The following C2CD2L variants were observed in gnomAD, a reference collection of about 807,000 sequenced individuals.
The protein encoded by C2CD2L is phospholipid transfer protein C2CD2L.
In C2CD2L, 24 loss-of-function variants were observed where a neutral mutation model predicts 69.9. The observed-to-expected ratio is 0.34, with a 90% confidence interval of 0.25 to 0.48. The LOEUF is 0.48. C2CD2L is among the 20% of genes least tolerant of loss of function. C2CD2L has a pLI of 0.99. For synonymous variants in C2CD2L, 367 were observed against 391.0 expected, an observed-to-expected ratio of 0.94 and a Z score of 0.72; for missense variants, 811 against 941.5, an observed-to-expected ratio of 0.86 and a Z score of 1.81.
At chr11:119,105,325 G>A (rs1946560759), upstream of C2CD2L, among the ~76,000 whole-genome samples, 3 of 152,272 alleles carry the variant, frequency 2.0e-5, no homozygotes, top group South Asian at 6.2e-4. Context: ...AAGTGCTAGA[G>A]GTCTAAGTAA....
At chr11:119,103,572 C>G (rs1170745545), upstream of C2CD2L, among the ~76,000 whole-genome samples, 1 of 152,148 alleles carries the variant, frequency 6.6e-6, no homozygotes, top group African/African-American at 2.4e-5. Context: ...TGGCACATGC[C>G]TGTAATCTCA....
chr11:119,111,202 C>T (rs755373724), intron 5 of C2CD2L, 34 bp downstream of exon 5: 4 of 1,609,428 alleles, frequency 2.5e-6, no homozygotes, highest in Non-Finnish European at 2.6e-6. Context: ...GATTTGCATG[C>T]ACCTTGTTCC....
chr11:119,115,145 C>T (rs947454662), intron 13 of C2CD2L: 1 of 150,290 alleles, frequency 6.7e-6, no homozygotes, highest in Non-Finnish European at 1.5e-5. Context: ...ATCCCAGCTA[C>T]TTGGGAGGCT....
Position 119,116,336 on chromosome 11 carries a change from G to T in C2CD2L, c.*80G>T, listed in dbSNP as rs1946892832. The T allele has an allele frequency of 1.7e-6, 2 of 1,208,130 alleles. No individual in the cohort carries two copies. Among genetic ancestry groups the T allele is most frequent in the Non-Finnish European group, 2.4e-6 (2 of 833,380 alleles). 74.8% of individuals were successfully genotyped at this position (1,208,130 alleles called of 1,614,324 possible). On this transcript the variant is annotated 3_prime_UTR_variant, in exon 14 of 14. Coordinates refer to ENST00000648610, the MANE Select transcript of C2CD2L (RefSeq NM_001290474.2). Reference sequence around the variant, plus strand: ...CCATACCCCTTCCTGGATCTCCAGTGCCTGGGCCAGGAAAGCCCTCTGGGT... The same window carrying T: ...CCATACCCCTTCCTGGATCTCCAGTTCCTGGGCCAGGAAAGCCCTCTGGGT...
At chr11:119,107,093 A>ACAAGCATAGGGGAAAG, upstream of C2CD2L, 1 of 152,408 alleles carries the variant, frequency 6.6e-6, no homozygotes, top group Non-Finnish European at 1.5e-5. This position sits in a 1 kb window ranked among gnomAD's most constrained non-coding sequence, Gnocchi z 5.4. Flanking sequence ...TGGAAATCTA[A>ACAAGCATAGGGGAAAG]CAAGCATAGG....
chr11:119,115,587 C>T (rs150354191), intron 13 of C2CD2L: 82 of 202,718 alleles, frequency 4.0e-4, no homozygotes, highest in African/African-American at 1.8e-3. Flanking sequence ...TCTAGATGCA[C>T]CACTTCCTGC....
chr11:119,111,601 G>A lies in C2CD2L; in HGVS notation c.991G>A (p.Glu331Lys), dbSNP rs774937522. ...GACCAAGCCCGCGAGGGCTGGATCC[G>A]AGGTGGAGTGGACAGAAGACCTGGC... is the stretch of plus-strand genomic sequence containing the variant. ...KWTKPARAGS[E>K]VEWTEDLALD... The change falls in exon 7 of 14, where the codon GAG becomes AAG. Residue 331 changes from glutamate to lysine, a missense_variant. Physicochemically the swap from Glu to Lys is moderately conservative, Grantham distance 56. Coordinates refer to ENST00000648610, the MANE Select transcript of C2CD2L (RefSeq NM_001290474.2). 8.1e-6 allele frequency: 13 copies of A among 1,613,724 alleles called. No homozygotes were observed. The South Asian group carries it at 9.9e-5, about 12-fold the overall frequency.
In C2CD2L at chr11:119,108,062, G is replaced by A. The variant is rs1390586748; in HGVS notation, c.321G>A (p.Val107=). Residue 107 remains valine (V), a synonymous_variant, in exon 1 of 14, where the codon GTG becomes GTA. Transcript: ENST00000648610. ...GGGAGAACTGGCAGCGGGCTTGGGT[G>A]CGAGCGCTGAACGAGCAGGCCTGCA... ...SFRENWQRAW[V]RALNEQACRN... The A allele has an allele frequency of 6.2e-7, 1 of 1,600,122 alleles. No homozygotes were observed. Among genetic ancestry groups the A allele is most frequent in the East Asian group, 2.4e-5 (1 of 42,420 alleles).
Position 119,111,173 on chromosome 11 carries a change from G to A in C2CD2L, c.798+5G>A. 6.2e-7 allele frequency: 1 copy of A among 1,613,198 alleles called. No homozygotes were observed. Among genetic ancestry groups the A allele is most frequent in the Non-Finnish European group, 8.5e-7 (1 of 1,179,378 alleles). On this transcript the variant is annotated splice_donor_5th_base_variant and intron_variant, in intron 5 of 13. Coordinates refer to ENST00000648610, the MANE Select transcript of C2CD2L (RefSeq NM_001290474.2). Reference sequence around the variant, plus strand: ...TGCTCTGCCCCAGGAGGCCTGGTGAGTTGGCACCCAAAGCAAAAGATTTGC... The same window carrying A: ...TGCTCTGCCCCAGGAGGCCTGGTGAATTGGCACCCAAAGCAAAAGATTTGC...
rs1410162771 is a variant in C2CD2L, at chr11:119,116,109, C to T, written c.1974C>T (p.Gly658=). The change falls in exon 14 of 14, where the codon GGC becomes GGT. Residue 658 remains glycine (G), a synonymous_variant. Transcript: ENST00000648610. ...FRRRPRQKEA[G]LSQSHDDLSN... is the part of the protein sequence containing the mutation. ...GGAGGCCTAGGCAGAAGGAAGCTGGCCTGAGCCAATCACACGATGACCTCT... is the reference window on the plus strand; with the variant it reads ...GGAGGCCTAGGCAGAAGGAAGCTGGTCTGAGCCAATCACACGATGACCTCT... 1.9e-6 allele frequency: 3 copies of T among 1,614,058 alleles called. No homozygotes were observed. The South Asian group carries it at 3.3e-5, about 18-fold the overall frequency.
At chr11:119,105,601 C>T (rs1946567648), upstream of C2CD2L, among the ~76,000 whole-genome samples, 1 of 149,402 alleles carries the variant, frequency 6.7e-6, no homozygotes, top group Admixed American at 6.7e-5. Context: ...GATCTCGCTA[C>T]TGCACCCCAG....
chr11:119,111,323 C>T lies in C2CD2L; in HGVS notation c.859C>T (p.Arg287Trp), dbSNP rs150900283. The T allele has an allele frequency of 1.5e-4, 245 of 1,614,206 alleles. 1 individual carries two copies. The African/African-American group carries it at 2.9e-3, about 19-fold the overall frequency. The change falls in exon 6 of 14, where the codon CGG (arginine) becomes TGG (tryptophan). Residue 287 changes from arginine (R) to tryptophan (W), a missense_variant. Physicochemically the swap from Arg to Trp is moderately radical, Grantham distance 101. Transcript: ENST00000648610. ...TCAGCCAGCCATCCCCAGACCTAAC[C>T]GGTTATTCCTACGGCAGCTTCGGGC... ...QAQPAIPRPN[R>W]LFLRQLRASH...
Position 119,116,274 on chromosome 11 carries a change from G to A in C2CD2L, c.*18G>A. ...AGCTCTGAGGACCCAGCTCTGAAAGGGCACGAGTTCTCTCAGCCCATTCCC... is the reference window on the plus strand; with the variant it reads ...AGCTCTGAGGACCCAGCTCTGAAAGAGCACGAGTTCTCTCAGCCCATTCCC... On this transcript the variant is annotated 3_prime_UTR_variant, in exon 14 of 14. Coordinates refer to ENST00000648610, the MANE Select transcript of C2CD2L (RefSeq NM_001290474.2). 1 of 1,586,706 alleles carries A rather than the reference G, an allele frequency of 6.3e-7. No individual in the cohort carries two copies. Among genetic ancestry groups the A allele is most frequent in the Non-Finnish European group, 8.7e-7 (1 of 1,155,358 alleles).
Position 119,112,716 on chromosome 11 carries a change from G to A in C2CD2L, c.1229G>A (p.Gly410Asp), listed in dbSNP as rs760748375. The A allele has an allele frequency of 1.2e-6, 2 of 1,613,596 alleles. No homozygotes were observed. Among genetic ancestry groups the A allele is most frequent in the East Asian group, 2.2e-5 (1 of 44,880 alleles). Residue 410 changes from glycine (G) to aspartate (D), a missense_variant, in exon 10 of 14, where the codon GGC becomes GAC. Physicochemically the swap from Gly to Asp is moderately conservative, Grantham distance 94. Coordinates refer to ENST00000648610, the MANE Select transcript of C2CD2L (RefSeq NM_001290474.2). ...TMAVELHYEE[G>D]SPRNLGTPTS... ...CCTGGGCAGCTTCACTATGAGGAGG[G>A]CTCTCCCCGGAACCTGGGTACTCCC...
In C2CD2L at chr11:119,107,976, G is replaced by T. The variant is rs746082840; in HGVS notation, c.235G>T (p.Ala79Ser). The change falls in exon 1 of 14, where the codon GCC (alanine) becomes TCC (serine). Residue 79 changes from alanine to serine, a missense_variant. By Grantham distance (99) the Ala-to-Ser change is moderately conservative. Transcript: ENST00000648610. This position sits in a 1 kb window ranked among gnomAD's most constrained non-coding sequence, Gnocchi z 5.4. Reference sequence around the variant, plus strand: ...GCGGCTGCGGGCGACTCGGGCTGGCGCCGCCGAGGAGCCAGGAGTCCGGGG... The same window carrying T: ...GCGGCTGCGGGCGACTCGGGCTGGCTCCGCCGAGGAGCCAGGAGTCCGGGG... ...LLRLRATRAG[A>S]AEEPGVRGLL... The T allele has an allele frequency of 9.0e-6, 14 of 1,555,176 alleles. No individual in the cohort carries two copies. In the Admixed American group the frequency reaches 2.1e-4, roughly 23 times the overall value.
At chr11:119,113,381 T>C (rs1384776024) in intron 10 of C2CD2L, 40 of 561,304 alleles carry the variant, frequency 7.1e-5, no homozygotes, top group Non-Finnish European at 1.2e-4. Flanking sequence ...CATATTTTCA[T>C]AGCATCTCCC....
At chr11:119,105,736 T>G (rs1435597794), upstream of C2CD2L, among the ~76,000 whole-genome samples, 1 of 151,406 alleles carries the variant, frequency 6.6e-6, no homozygotes, top group Non-Finnish European at 1.5e-5. Flanking sequence ...TGTGAAGCAG[T>G]ATCTGGCAGC....
chr11:119,116,516 TC>T lies in C2CD2L; in HGVS notation c.*264del. ...GGCCCTGTCCGGCATGTGTGGGTAT[TC>T]CCCAGAAGCATTTGCCTCCTGCTGA... On this transcript the variant is annotated 3_prime_UTR_variant, in exon 14 of 14. Coordinates refer to ENST00000648610, the MANE Select transcript of C2CD2L (RefSeq NM_001290474.2). 1 of 573,078 alleles carries T rather than the reference TC, an allele frequency of 1.7e-6. No individual in the cohort carries two copies. The highest frequency in any genetic ancestry group is 3.1e-6 in the Non-Finnish European group (1 of 320,334). 35.5% of individuals were successfully genotyped at this position (573,078 alleles called of 1,614,324 possible).
At chr11:119,115,753 C>T in intron 13 of C2CD2L, 1 of 488,584 alleles carries the variant, frequency 2.0e-6, no homozygotes, top group Non-Finnish European at 3.6e-6. Context: ...TCCGTGATAT[C>T]TCTTTTGCGG....
Sources: allele counts gnomAD v4.1 joint callset (sites outside exome capture counted in the v4.1 genomes callset), GRCh38; gene constraint gnomAD v4.1.1; non-coding constraint Gnocchi (gnomAD v3.1); transcripts MANE v1.5; gene names NCBI Gene and HGNC (gene_info 2026-07-23, HGNC 2026-07-21).